Variants in DNAH1 observed in about 807,000 individuals in gnomAD.
DNAH1 encodes axonemal beta dynein heavy chain 1.
A neutral mutation model predicts 484.3 loss-of-function variants in DNAH1; 327 were observed. The observed-to-expected ratio is 0.68, with a 90% CI of 0.62 to 0.74. DNAH1 has a LOEUF of 0.74. Ranked by LOEUF, DNAH1 falls within the 30% of genes least tolerant of loss-of-function variation. The pLI, the probability that DNAH1 is intolerant of heterozygous loss-of-function variation, is 0.00. For synonymous variants in DNAH1, 2,192 were observed against 2,191.9 expected (o/e 1.00, Z 0.00); for missense variants, 5,052 against 5,546.8 (o/e 0.91, Z 2.83).
Position 52,372,927 on chromosome 3 carries a change from C to T in DNAH1, c.6859C>T (p.Arg2287Cys), listed in dbSNP as rs376329703. Residue 2287 changes from arginine to cysteine, a missense_variant, in exon 44 of 78, where the codon CGC becomes TGC. Physicochemically the swap from Arg to Cys is radical, Grantham distance 180. Around this residue, in one of 4 missense-constraint regions of DNAH1, gnomAD observed 2,929 missense variants for 3,409.4 expected, o/e 0.86. Coordinates refer to ENST00000420323, the MANE Select transcript of DNAH1 (RefSeq NM_015512.5). ...RKGVFGPPLG[R>C]NFIFFIDDLN... ...GGGTGTGTTTGGACCACCTCTGGGG[C>T]GCAACTTTATCTTCTTCATCGATGA... The T allele has an allele frequency of 4.2e-5, 67 of 1,613,552 alleles. 1 individual carries two copies. The highest frequency in any genetic ancestry group is 3.3e-4 in the African/African-American group (25 of 75,008).
chr3:52,331,747 C>A (rs1172495345), intron 7 of DNAH1, among the ~76,000 whole-genome samples: 3 of 150,912 alleles, frequency 2.0e-5, no homozygotes, highest in Non-Finnish European at 2.9e-5. Flanking sequence ...GCCTCAGTCT[C>A]CCAAGTAACT....
At chr3:52,398,309 GTCTC>G in intron 75 of DNAH1, 147 bp downstream of exon 75, 4 of 1,094,854 alleles carry the variant, frequency 3.7e-6, no homozygotes, top group South Asian at 1.7e-5. Context: ...TTGACACGGA[GTCTC>G]TCTCTGTTGC....
intron 1 of DNAH1, among the ~76,000 whole-genome samples, chr3:52,318,298 C>G (rs1701025661): frequency 6.6e-6 from 1 of 152,236 alleles, no homozygotes; most frequent in South Asian, 2.1e-4. Context: ...GATCCGCCCG[C>G]CTGGGCCCAA....
intron 2 of DNAH1, among the ~76,000 whole-genome samples, chr3:52,323,594 G>A (rs1269770108): frequency 6.6e-6 from 1 of 152,162 alleles, no homozygotes; most frequent in Non-Finnish European, 1.5e-5. Flanking sequence ...ACCAGAATGG[G>A]GTGGGGCCAG....
intron 70 of DNAH1, among the ~76,000 whole-genome samples, chr3:52,396,107 G>A (rs1403363628): frequency 6.6e-6 from 1 of 151,976 alleles, no homozygotes; most frequent in Admixed American, 6.6e-5. Flanking sequence ...CTAATTTTTT[G>A]TATTTTTAGT....
At position 52,381,790 on chromosome 3, in the gene DNAH1, G is replaced by A. The variant is rs747611842; in HGVS notation, c.7759G>A (p.Val2587Met). 187 of 1,604,430 alleles carry A rather than the reference G, an allele frequency of 1.2e-4. No individual in the cohort carries two copies. The East Asian group carries it at 1.2e-3, about 10-fold the overall frequency. The change falls in exon 49 of 78, where the codon GTG becomes ATG. Residue 2587 changes from valine to methionine, a missense_variant. Physicochemically the swap from Val to Met is conservative, Grantham distance 21 (BLOSUM62 1). Transcript: ENST00000420323. This position sits in a 1 kb window ranked among gnomAD's most constrained non-coding sequence, Gnocchi z 4.1. Reference sequence around the variant, plus strand: ...GCTGGGCAATGCACTCCTGCTGGGCGTGGGTGGCAGCGGCCGCAGCTCCCT... The same window carrying A: ...GCTGGGCAATGCACTCCTGCTGGGCATGGGTGGCAGCGGCCGCAGCTCCCT... ...QALGNALLLG[V>M]GGSGRSSLTR...
intron 34 of DNAH1, among the ~76,000 whole-genome samples, chr3:52,366,045 G>A (rs907072452): frequency 6.6e-5 from 10 of 152,208 alleles, no homozygotes; most frequent in African/African-American, 2.4e-4. Context: ...GCTGGCAGCT[G>A]CCTCTATAGC....
In DNAH1 at chr3:52,395,718, T is replaced by G. The variant is rs751251752; in HGVS notation, c.11259+40T>G. ...CCATCACAGACCCAGTGGGGCCGCC[T>G]CTGCATCCATCAGGGACTAATGAGG... On this transcript the variant is annotated intron_variant, in intron 70 of 77. Coordinates refer to ENST00000420323, the MANE Select transcript of DNAH1 (RefSeq NM_015512.5). The surrounding 1 kb of genome is among the most constrained non-coding windows in gnomAD (Gnocchi z 4.4). 3 of 1,596,020 alleles carry G rather than the reference T, an allele frequency of 1.9e-6. No individual in the cohort carries two copies. The highest frequency in any genetic ancestry group is 2.6e-6 in the Non-Finnish European group (3 of 1,170,436).
intron 8 of DNAH1, among the ~76,000 whole-genome samples, chr3:52,334,305 G>A (rs977705745): frequency 1.3e-5 from 2 of 152,194 alleles, no homozygotes; most frequent in African/African-American, 4.8e-5. Flanking sequence ...GTACATCTAT[G>A]TAAGGCACTT....
chr3:52,324,775 A>G (rs753989624), intron 3 of DNAH1, among the ~76,000 whole-genome samples: 1 of 152,156 alleles, frequency 6.6e-6, no homozygotes, highest in Non-Finnish European at 1.5e-5. Flanking sequence ...GGTATTGGGA[A>G]TGGTGCTCCT....
rs972965492 is a variant in DNAH1 at position 52,362,707 on chromosome 3, G to A, written c.5094+206G>A. ...AAGTCAGGCTGCCTATGGATGTGGTGTGGAGGGGGAATCTAATGAGACCTG... is the reference window on the plus strand; with the variant it reads ...AAGTCAGGCTGCCTATGGATGTGGTATGGAGGGGGAATCTAATGAGACCTG... On this transcript the variant is annotated intron_variant, in intron 31 of 77. Coordinates refer to ENST00000420323, the MANE Select transcript of DNAH1 (RefSeq NM_015512.5). This position sits in a 1 kb window ranked among gnomAD's most constrained non-coding sequence, Gnocchi z 5.1. Among the ~76,000 whole-genome samples, 1 of 152,214 alleles carries A rather than the reference G, an allele frequency of 6.6e-6. No homozygotes were observed.
At position 52,383,520 on chromosome 3, in the gene DNAH1, G is replaced by C. The variant is rs1215656408; in HGVS notation, c.8076G>C (p.Gln2692His). 1.9e-6 allele frequency: 3 copies of C among 1,613,280 alleles called. No homozygotes were observed. The highest frequency in any genetic ancestry group is 2.5e-6 in the Non-Finnish European group (3 of 1,179,656). Residue 2692 changes from glutamine to histidine, a missense_variant, in exon 51 of 78, where the codon CAG becomes CAC. Physicochemically the swap from Gln to His is conservative, Grantham distance 24. Transcript: ENST00000420323. ...MRPYIQEQGL[Q>H]PTKANLMAAY... ...CCTATATCCAGGAGCAGGGCCTACA[G>C]CCCACCAAGGCCAACCTCATGGCTG...
At chr3:52,375,063 G>A (rs1446711633) in intron 44 of DNAH1, among the ~76,000 whole-genome samples, 177 bp from the exon 45 acceptor site, 1 of 151,752 alleles carries the variant, frequency 6.6e-6, no homozygotes, top group East Asian at 1.9e-4. Flanking sequence ...AAAGTTAAAG[G>A]AGAGGAGCAT....
At position 52,388,457 on chromosome 3, in the gene DNAH1, CA is replaced by C; in HGVS notation, c.9212del (p.Gln3071ArgfsTer37). The C allele has an allele frequency of 1.2e-6, 2 of 1,612,908 alleles. No homozygotes were observed. Among genetic ancestry groups the C allele is most frequent in the Non-Finnish European group, 1.7e-6 (2 of 1,179,486 alleles). Reference sequence around the variant, plus strand: ...GGCCCAGGATGACCTGGGGGTGACACAGAGGATCCTGGATGAGGCAAAACAG... The same window carrying C: ...GGCCCAGGATGACCTGGGGGTGACACGAGGATCCTGGATGAGGCAAAACAG... ...LEAQDDLGVT[Q>X]RILDEAKQRL... On this transcript the variant is annotated frameshift_variant, in exon 58 of 78. Transcript: ENST00000420323. LOFTEE classifies it high-confidence loss of function.
Position 52,360,322 on chromosome 3 carries a change from C to A in DNAH1, c.4583C>A (p.Thr1528Lys), listed in dbSNP as rs1004817581. 6.2e-7 allele frequency: 1 copy of A among 1,613,492 alleles called. No homozygotes were observed. Among genetic ancestry groups the A allele is most frequent in the South Asian group, 1.1e-5 (1 of 91,066 alleles). ...QWISQLRYYWTNNDLYIRAVN... is the reference protein window; with the variant it reads ...QWISQLRYYWKNNDLYIRAVN... The stretch of plus-strand genomic sequence containing the variant: ...CCCTGCACCGCCAGGTACTACTGGA[C>A]AAATAATGACCTGTATATCCGTGCT... The change falls in exon 28 of 78, where the codon ACA (threonine) becomes AAA (lysine). Residue 1528 changes from threonine to lysine, a missense_variant. Thr to Lys is a moderately conservative substitution (Grantham distance 78). Around this residue, in one of 4 missense-constraint regions of DNAH1, gnomAD observed 2,929 missense variants for 3,409.4 expected, o/e 0.86. Coordinates refer to ENST00000420323, the MANE Select transcript of DNAH1 (RefSeq NM_015512.5).
chr3:52,349,036 G>C lies in DNAH1; in HGVS notation c.2255G>C (p.Arg752Pro), dbSNP rs749446487. The C allele has an allele frequency of 4.2e-5, 67 of 1,612,776 alleles. No homozygotes were observed. Among genetic ancestry groups the C allele is most frequent in the Non-Finnish European group, 5.4e-5 (64 of 1,179,902 alleles). The stretch of plus-strand genomic sequence containing the variant: ...CTGCAGGCCTACGCCAAGGAGTACC[G>C]AAAGTACCTGGAGCTGAACAACAAT... Reference protein sequence around the residue: ...IPLQAYAKEYRKYLELNNNDI... With the variant: ...IPLQAYAKEYPKYLELNNNDI... Residue 752 changes from arginine (R) to proline (P), a missense_variant, in exon 13 of 78, where the codon CGA (arginine) becomes CCA (proline). Around this residue, in one of 4 missense-constraint regions of DNAH1, gnomAD observed 1,263 missense variants for 1,218.8 expected, o/e 1.04. Transcript: ENST00000420323.
At position 52,353,383 on chromosome 3, in the gene DNAH1, G is replaced by T; in HGVS notation, c.3230G>T (p.Cys1077Phe). 6.2e-7 allele frequency: 1 copy of T among 1,609,404 alleles called. No homozygotes were observed. The highest frequency in any genetic ancestry group is 8.5e-7 in the Non-Finnish European group (1 of 1,176,462). ...GCGTTTCTGTCTTACCCGGCAGCCT[G>T]CCAGGAAGTGGCCTTGGACATCCGG... The part of the protein sequence containing the change: ...CVKQFKDMPA[C>F]QEVALDIRAR... Residue 1077 changes from cysteine to phenylalanine, a missense_variant, in exon 20 of 78, where the codon TGC becomes TTC. Coordinates refer to ENST00000420323, the MANE Select transcript of DNAH1 (RefSeq NM_015512.5). This position sits in a 1 kb window ranked among gnomAD's most constrained non-coding sequence, Gnocchi z 5.0.
At position 52,366,736 on chromosome 3, in the gene DNAH1, T is replaced by C; in HGVS notation, c.5614T>C (p.Tyr1872His). The C allele has an allele frequency of 3.1e-6, 5 of 1,611,164 alleles. No individual in the cohort carries two copies. Among genetic ancestry groups the C allele is most frequent in the Non-Finnish European group, 1.7e-6 (2 of 1,178,040 alleles). Residue 1872 changes from tyrosine (Y) to histidine (H), a missense_variant, in exon 36 of 78, where the codon TAC (tyrosine) becomes CAC (histidine). This residue lies in a region of DNAH1 where 2,929 missense variants were observed against 3,409.4 expected (regional missense o/e 0.86). Coordinates refer to ENST00000420323, the MANE Select transcript of DNAH1 (RefSeq NM_015512.5). ...TCTCAGGCGGTCCGTCTCCCAGTGT[T>C]ACAGAGTCCTGGCAGCTGCCATGAC... ...GPTGSGKSTC[Y>H]RVLAAAMTSL... is the part of the protein sequence containing the mutation.
chr3:52,388,216 A>T lies in DNAH1; in HGVS notation c.9053A>T (p.Asn3018Ile), dbSNP rs1704194318. ...VIKAIQPYID[N>I]EEFQPATIAK... ...AAAGCCATCCAGCCGTACATCGATA[A>T]TGAAGAGTTCCAGCCAGCCACCATT... is the stretch of plus-strand genomic sequence containing the variant. Residue 3018 changes from asparagine to isoleucine, a missense_variant, in exon 57 of 78, where the codon AAT (asparagine) becomes ATT (isoleucine). This residue lies in a region of DNAH1 where 2,929 missense variants were observed against 3,409.4 expected (regional missense o/e 0.86). Transcript: ENST00000420323. 1 of 1,609,482 alleles carries T rather than the reference A, an allele frequency of 6.2e-7. No homozygotes were observed. Among genetic ancestry groups the T allele is most frequent in the Admixed American group, 1.7e-5 (1 of 59,416 alleles).
Sources: gnomAD v4.1 joint callset for allele counts (sites outside exome capture counted in the v4.1 genomes callset) on GRCh38, gnomAD v4.1.1 for gene constraint, gnomAD v4.1.1 regional missense constraint, Gnocchi (gnomAD v3.1) non-coding constraint, MANE v1.5 for transcripts, NCBI Gene and HGNC (gene_info 2026-07-23, HGNC 2026-07-21) for gene names.